TSPEAR: variants seen among roughly 807,000 people sequenced by gnomAD.
TSPEAR encodes thrombospondin type laminin G domain and EAR repeats.
In TSPEAR, 69 loss-of-function variants were observed where a neutral mutation model predicts 71.6. The ratio of observed to expected loss-of-function variants is 0.96; its 90% CI spans 0.79 to 1.18. The LOEUF is 1.18. Ranked by LOEUF, TSPEAR falls within the 50% of genes most tolerant of loss-of-function variation. The pLI, the probability that TSPEAR is intolerant of heterozygous loss-of-function variation, is 0.00. For synonymous variants in TSPEAR, 402 were observed against 387.2 expected (o/e 1.04, Z -0.45); for missense variants, 971 against 894.9 (o/e 1.09, Z -1.09).
At chr21:44,631,624 C>G (rs1555935749) in intron 1 of TSPEAR, among the ~76,000 whole-genome samples, 1 of 151,954 alleles carries the variant, frequency 6.6e-6, no homozygotes, top group African/African-American at 2.4e-5. Context: ...TACTCGGGAG[C>G]CTGAGGCAGG....
intron 2 of TSPEAR, chr21:44,540,259 CTCTGCTTTTATACCCCT>C: frequency 6.5e-7 from 1 of 1,529,558 alleles, no homozygotes; most frequent in Admixed American, 1.9e-5. Flanking sequence ...CTTCGTGGGG[CTCTGCTTTTATACCCCT>C]TCTGGCCTTG....
intron 1 of TSPEAR, among the ~76,000 whole-genome samples, chr21:44,651,779 T>C (rs905831287): frequency 2.6e-5 from 4 of 152,180 alleles, no homozygotes; most frequent in African/African-American, 7.2e-5. Flanking sequence ...TCATAGGTTC[T>C]GAGAACCAGG....
At chr21:44,604,422 G>A (rs1386797140) in intron 1 of TSPEAR, among the ~76,000 whole-genome samples, 4 of 152,110 alleles carry the variant, frequency 2.6e-5, no homozygotes, top group African/African-American at 7.2e-5. Context: ...GGATAAGATA[G>A]CCAATCTCAC....
At chr21:44,683,053 G>A (rs549531649) in intron 1 of TSPEAR, among the ~76,000 whole-genome samples, 4 of 152,072 alleles carry the variant, frequency 2.6e-5, no homozygotes, top group Admixed American at 6.5e-5. Context: ...ACATCCAGCC[G>A]AGACCCCCTA....
chr21:44,619,420 T>A (rs944481453), intron 1 of TSPEAR, among the ~76,000 whole-genome samples: 1 of 152,238 alleles, frequency 6.6e-6, no homozygotes, highest in Non-Finnish European at 1.5e-5. Flanking sequence ...ATTGTCACTG[T>A]GCAGTTTTCA....
intron 9 of TSPEAR, chr21:44,519,636 T>G (rs987627804): frequency 2.0e-5 from 3 of 152,360 alleles, no homozygotes; most frequent in African/African-American, 7.2e-5. Flanking sequence ...GCAGCATGCG[T>G]GTTGTGGTGA....
At chr21:44,653,298 C>A (rs1555941848) in intron 1 of TSPEAR, among the ~76,000 whole-genome samples, 1 of 152,200 alleles carries the variant, frequency 6.6e-6, no homozygotes, top group Admixed American at 6.5e-5. Context: ...TGCTTTGATG[C>A]AGCTTCTGAG....
At chr21:44,659,232 G>A (rs1203518261) in intron 1 of TSPEAR, among the ~76,000 whole-genome samples, 3 of 152,110 alleles carry the variant, frequency 2.0e-5, no homozygotes, top group Non-Finnish European at 4.4e-5. Context: ...GCATGCAGGG[G>A]CGTGTGAAAC....
At chr21:44,664,507 A>G (rs1486244471) in intron 1 of TSPEAR, among the ~76,000 whole-genome samples, 2 of 152,198 alleles carry the variant, frequency 1.3e-5, no homozygotes, top group Non-Finnish European at 2.9e-5. Flanking sequence ...TATAGTTTCA[A>G]TACACTCCCA....
chr21:44,579,855 C>T (rs782686616), intron 1 of TSPEAR: 1 of 1,596,542 alleles, frequency 6.3e-7, no homozygotes. Flanking sequence ...GAGGCAGGGG[C>T]ACAGCAGGAG....
intron 1 of TSPEAR, chr21:44,574,974 T>G: frequency 6.2e-7 from 1 of 1,612,290 alleles, no homozygotes; most frequent in Non-Finnish European, 8.5e-7. Context: ...ACGCCCCGTG[T>G]GCTCCCGCCC....
chr21:44,704,912 G>T (rs1040459643), intron 1 of TSPEAR, among the ~76,000 whole-genome samples: 15 of 152,086 alleles, frequency 9.9e-5, no homozygotes, highest in Admixed American at 2.6e-4. Flanking sequence ...AGCCCTGGCT[G>T]CCCGCCCCGC....
intron 1 of TSPEAR, among the ~76,000 whole-genome samples, chr21:44,594,946 C>G (rs966884714): frequency 2.0e-5 from 3 of 151,808 alleles, no homozygotes; most frequent in Admixed American, 6.6e-5. Flanking sequence ...CTCAGCCTCC[C>G]GAGTAGCTGG....
intron 1 of TSPEAR, among the ~76,000 whole-genome samples, chr21:44,585,757 T>C (rs782539020): frequency 6.6e-6 from 1 of 152,240 alleles, no homozygotes; most frequent in Non-Finnish European, 1.5e-5. Context: ...CACTCTCTTC[T>C]TGTTTCATGG....
intron 1 of TSPEAR, among the ~76,000 whole-genome samples, chr21:44,635,881 G>A (rs1422464960): frequency 2.0e-5 from 3 of 152,294 alleles, no homozygotes; most frequent in African/African-American, 4.8e-5. Flanking sequence ...TGCAATGCTG[G>A]ATATTATCAG....
chr21:44,586,876 A>G (rs2146112557), intron 1 of TSPEAR, among the ~76,000 whole-genome samples: 1 of 152,344 alleles, frequency 6.6e-6, no homozygotes, highest in African/African-American at 2.4e-5. Context: ...ATCAACATAC[A>G]AGGGACATAC....
intron 9 of TSPEAR, chr21:44,517,866 GC>G (rs2052628817): frequency 2.1e-6 from 1 of 471,090 alleles, no homozygotes; most frequent in African/African-American, 2.0e-5. Context: ...CGCTCCTTGG[GC>G]TCAGCGCCCT....
At chr21:44,698,591 C>G (rs1987499638) in intron 1 of TSPEAR, among the ~76,000 whole-genome samples, 1 of 152,232 alleles carries the variant, frequency 6.6e-6, no homozygotes, top group Non-Finnish European at 1.5e-5. Context: ...CATTTCCCCG[C>G]CAAGTTGCCA....
At chr21:44,690,696 T>C (rs2210286) in intron 1 of TSPEAR, 438,240 of 623,940 alleles carry the variant, frequency 0.7, 154,768 homozygotes, top group Middle Eastern at 0.79. Context: ...AACTATTAAG[T>C]AAGCATATGT....
Sources: gnomAD v4.1 joint callset for allele counts (sites outside exome capture counted in the v4.1 genomes callset) on GRCh38, gnomAD v4.1.1 for gene constraint, MANE v1.5 for transcripts, NCBI Gene and HGNC (gene_info 2026-07-23, HGNC 2026-07-21) for gene names.